AKAP8L: variants seen among roughly 807,000 people sequenced by gnomAD.
The protein encoded by AKAP8L is A-kinase anchoring protein 8 like, also known as A-kinase anchor protein 8-like.
A neutral mutation model predicts 77.5 loss-of-function variants in AKAP8L; 34 were observed. The ratio of observed to expected loss-of-function variants is 0.44; its 90% CI spans 0.33 to 0.58. The LOEUF is 0.58. Ranked by LOEUF, AKAP8L falls within the 20% of genes least tolerant of loss-of-function variation. The probability of loss-of-function intolerance (pLI) is 0.02; values close to 1 mark genes in which losing one functional copy is unlikely to be tolerated. For missense variants in AKAP8L, 806 were observed against 887.6 expected (o/e 0.91, Z 1.17); for synonymous variants, 342 against 340.7 (o/e 1.00, Z -0.04).
At position 15,403,498 on chromosome 19, in the gene AKAP8L, G is replaced by T. The variant is rs374239726; in HGVS notation, c.339C>A (p.Gly113=). Residue 113 remains glycine, a synonymous_variant, in exon 4 of 14, where the codon GGC becomes GGA. Transcript: ENST00000397410. This position sits in a 1 kb window ranked among gnomAD's most constrained non-coding sequence, Gnocchi z 4.3. Reference sequence around the variant, plus strand: ...ACCTTTCTCCACCTGAGCCGTACACGCCTCCTTGCATCATGTCTGTCTCCA... The same window carrying T: ...ACCTTTCTCCACCTGAGCCGTACACTCCTCCTTGCATCATGTCTGTCTCCA... ...PHLETDMMQG[G]VYGSGGERYD... is the part of the protein sequence containing the mutation. The T allele has an allele frequency of 1.2e-6, 2 of 1,613,820 alleles. No homozygotes were observed. The highest frequency in any genetic ancestry group is 1.7e-6 in the Non-Finnish European group (2 of 1,179,886).
At chr19:15,410,988 C>T (rs1968096788) in intron 1 of AKAP8L, among the ~76,000 whole-genome samples, 1 of 152,004 alleles carries the variant, frequency 6.6e-6, no homozygotes, top group South Asian at 2.1e-4. Flanking sequence ...AATTTTTATA[C>T]TTTTTTGTAG....
Position 15,399,183 on chromosome 19 carries a change from G to T in AKAP8L, c.1157+119C>A. The T allele has an allele frequency of 1.2e-6, 1 of 858,502 alleles. No individual in the cohort carries two copies. 53.2% of individuals were successfully genotyped at this position (858,502 alleles called of 1,614,324 possible). A position where few individuals can be genotyped will look rare whatever the true frequency, so the allele number is the denominator to read the frequency against. On this transcript the variant is annotated intron_variant, in intron 9 of 13. Transcript: ENST00000397410. This position sits in a 1 kb window ranked among gnomAD's most constrained non-coding sequence, Gnocchi z 6.1. Reference sequence around the variant, plus strand: ...GGAAGCAGGGTCCATGCACGGCCGAGCAGGTGGCGGCTCCCAAGGGAGGCC... The same window carrying T: ...GGAAGCAGGGTCCATGCACGGCCGATCAGGTGGCGGCTCCCAAGGGAGGCC...
chr19:15,410,529 AG>A lies in AKAP8L; in HGVS notation c.78del (p.Cys27ValfsTer73), dbSNP rs780611620. 6.3e-7 allele frequency: 1 copy of A among 1,581,748 alleles called. No individual in the cohort carries two copies. On this transcript the variant is annotated frameshift_variant, in exon 2 of 14. Coordinates refer to ENST00000397410, the MANE Select transcript of AKAP8L (RefSeq NM_014371.4). LOFTEE classifies it high-confidence loss of function. ...AGAAGTCCACACTTACCATAATCAC[AG>A]GTGGGCTGAGCGCTGGTATCCGAGT... ...STYSDTSAQPTCDYGYGTWNS... is the reference protein window; with the variant it reads ...STYSDTSAQPXCDYGYGTWNS...
In AKAP8L at chr19:15,399,470, C is replaced by A. The variant is rs1419712997; in HGVS notation, c.1049-60G>T. 1 of 1,285,284 alleles carries A rather than the reference C, an allele frequency of 7.8e-7. No homozygotes were observed. The highest frequency in any genetic ancestry group is 1.1e-6 in the Non-Finnish European group (1 of 883,604). The allele number at this position is 1,285,284 out of a possible 1,614,324, so 79.6% of individuals were successfully genotyped here. On this transcript the variant is annotated intron_variant, in intron 8 of 13. Coordinates refer to ENST00000397410, the MANE Select transcript of AKAP8L (RefSeq NM_014371.4). The surrounding 1 kb of genome is among the most constrained non-coding windows in gnomAD (Gnocchi z 6.1). The stretch of plus-strand genomic sequence containing the variant: ...CTCTGCCAGGACAGGGCAGGCCCTG[C>A]GGCCTCTGGCTGAATCACCCACTGT...
At chr19:15,390,777 ATAATC>A (rs1967644368) in intron 12 of AKAP8L, among the ~76,000 whole-genome samples, 1 of 152,228 alleles carries the variant, frequency 6.6e-6, no homozygotes, top group Admixed American at 6.5e-5. Context: ...TCCAAATAAA[ATAATC>A]TAACATACTG....
chr19:15,400,920 C>CCGCCCAG, intron 6 of AKAP8L, 27 bp downstream of exon 6: 1 of 1,613,844 alleles, frequency 6.2e-7, no homozygotes, highest in Non-Finnish European at 8.5e-7. Flanking sequence ...CAGGGGGCAG[C>CCGCCCAG]CGCCCAGTAC....
At chr19:15,410,727 C>T in intron 1 of AKAP8L, 133 bp from the exon 2 acceptor site, 2 of 672,310 alleles carry the variant, frequency 3.0e-6, no homozygotes, top group Non-Finnish European at 5.3e-6. Flanking sequence ...CTCTAGATTC[C>T]ACAGTTTAAT....
At position 15,403,344 on chromosome 19, in the gene AKAP8L, TG is replaced by T; in HGVS notation, c.362+130del. 3 of 852,712 alleles carry T rather than the reference TG, an allele frequency of 3.5e-6. No individual in the cohort carries two copies. The highest frequency in any genetic ancestry group is 5.7e-6 in the Non-Finnish European group (3 of 528,060). The allele number at this position is 852,712 out of a possible 1,614,324, so 52.8% of individuals were successfully genotyped here. On this transcript the variant is annotated intron_variant, in intron 4 of 13. Transcript: ENST00000397410. The surrounding 1 kb of genome is among the most constrained non-coding windows in gnomAD (Gnocchi z 4.3). ...AGACGGGAAGTGCAACGGACCCTGCTGGGAGCCACAGCAGCACCAAGCAGCG... is the reference window on the plus strand; with the variant it reads ...AGACGGGAAGTGCAACGGACCCTGCTGGAGCCACAGCAGCACCAAGCAGCG...
chr19:15,390,566 A>T (rs1198034776), intron 12 of AKAP8L, among the ~76,000 whole-genome samples: 1 of 152,194 alleles, frequency 6.6e-6, no homozygotes, highest in Non-Finnish European at 1.5e-5. Context: ...AAGAAAAATG[A>T]CAACTGTATG....
rs752299102 is a variant in AKAP8L at position 15,401,447 on chromosome 19, G to A, written c.519C>T (p.Asn173=). The A allele has an allele frequency of 6.2e-6, 10 of 1,613,550 alleles. No individual in the cohort carries two copies. The highest frequency in any genetic ancestry group is 4.0e-5 in the African/African-American group (3 of 74,932). ...CCTGTGCCCTGGGACCGAAGGTGTC[G>A]TTGCCACGCATGCGGAACTGGTCGC... ...AYRDQFRMRG[N]DTFGPRAQGW... is the part of the protein sequence containing the mutation. The change falls in exon 5 of 14, where the codon AAC becomes AAT. Residue 173 remains asparagine (N), a synonymous_variant. Transcript: ENST00000397410. This position sits in a 1 kb window ranked among gnomAD's most constrained non-coding sequence, Gnocchi z 6.2.
At chr19:15,383,668 T>C (rs1037057927) in intron 12 of AKAP8L, 1 of 152,376 alleles carries the variant, frequency 6.6e-6, no homozygotes, top group Non-Finnish European at 1.5e-5. Context: ...ATTATCACTT[T>C]TTTTGTTTTT....
At chr19:15,408,037 G>A (rs1301244912) in intron 2 of AKAP8L, among the ~76,000 whole-genome samples, 1 of 152,236 alleles carries the variant, frequency 6.6e-6, no homozygotes, top group East Asian at 1.9e-4. Context: ...GCTAATGCCT[G>A]TAATTCCAAC....
rs911251768 is a variant in AKAP8L at position 15,403,079 on chromosome 19, G to A, written c.362+396C>T. Reference sequence around the variant, plus strand: ...CAGCTCGCAGTGATCAGCCCCAAACGCTCGTCCCACCCTTCACACCAAACT... The same window carrying A: ...CAGCTCGCAGTGATCAGCCCCAAACACTCGTCCCACCCTTCACACCAAACT... On this transcript the variant is annotated intron_variant, in intron 4 of 13. Transcript: ENST00000397410. The surrounding 1 kb of genome is among the most constrained non-coding windows in gnomAD (Gnocchi z 4.3). 1.3e-5 allele frequency among the ~76,000 whole-genome samples: 2 copies of A among 152,244 alleles called. No homozygotes were observed. Among genetic ancestry groups the A allele is most frequent in the South Asian group, 2.1e-4 (1 of 4,828 alleles).
chr19:15,403,331 C>T lies in AKAP8L; in HGVS notation c.362+144G>A, dbSNP rs535485847. 2 of 743,892 alleles carry T rather than the reference C, an allele frequency of 2.7e-6. No individual in the cohort carries two copies. The highest frequency in any genetic ancestry group is 1.7e-5 in the African/African-American group (1 of 57,608). 46.1% of individuals were successfully genotyped at this position (743,892 alleles called of 1,614,324 possible). ...AGACACAAGTCAGAGACGGGAAGTG[C>T]AACGGACCCTGCTGGGAGCCACAGC... On this transcript the variant is annotated intron_variant, in intron 4 of 13. Coordinates refer to ENST00000397410, the MANE Select transcript of AKAP8L (RefSeq NM_014371.4). This position sits in a 1 kb window ranked among gnomAD's most constrained non-coding sequence, Gnocchi z 4.3.
rs2145133555 is a variant in AKAP8L, at chr19:15,401,490, C to T, written c.476G>A (p.Gly159Asp). The change falls in exon 5 of 14, where the codon GGC (glycine) becomes GAC (aspartate). Residue 159 changes from glycine (G) to aspartate (D), a missense_variant. Physicochemically the swap from Gly to Asp is moderately conservative, Grantham distance 94. Transcript: ENST00000397410. The surrounding 1 kb of genome is among the most constrained non-coding windows in gnomAD (Gnocchi z 6.2). ...CTGGTCGCGGTAGGCATCGTATTGG[C>T]CCTCATAGGCCATTTCCATCTCAGG... ...LDPEMEMAYE[G>D]QYDAYRDQFR... is the part of the protein sequence containing the mutation. The T allele has an allele frequency of 1.2e-6, 2 of 1,613,860 alleles. No homozygotes were observed. The highest frequency in any genetic ancestry group is 1.7e-6 in the Non-Finnish European group (2 of 1,179,886).
chr19:15,394,903 A>G (rs753538034), intron 12 of AKAP8L, among the ~76,000 whole-genome samples: 34 of 151,902 alleles, frequency 2.2e-4, no homozygotes, highest in Non-Finnish European at 3.8e-4. Context: ...TGCCTTCTAA[A>G]TATCTTTCAT....
rs370096897 is a variant in AKAP8L at position 15,400,786 on chromosome 19, C to T, written c.984+8G>A. The stretch of plus-strand genomic sequence containing the variant: ...GCAGACAGAAAATGCCCAGCCAGAG[C>T]CACTTACCACTCTGGAGCCCTTCTC... On this transcript the variant is annotated splice_region_variant and intron_variant, in intron 7 of 13. Transcript: ENST00000397410. The T allele has an allele frequency of 6.2e-6, 10 of 1,613,802 alleles. No individual in the cohort carries two copies. Among genetic ancestry groups the T allele is most frequent in the African/African-American group, 2.7e-5 (2 of 74,932 alleles).
At chr19:15,400,392 GC>G (rs34829676) in intron 7 of AKAP8L, 34 bp from the exon 8 acceptor site, 1 of 1,547,798 alleles carries the variant, frequency 6.5e-7, no homozygotes, top group Non-Finnish European at 8.7e-7. Context: ...TAAAACAGGT[GC>G]CTTTTTTTTT....
intron 12 of AKAP8L, among the ~76,000 whole-genome samples, chr19:15,384,444 C>T (rs141835892): frequency 0.012 from 1,772 of 151,632 alleles, 24 homozygotes; most frequent in African/African-American, 0.039. Context: ...AGATTACAGG[C>T]GCCCACCACC....
Sources: allele counts gnomAD v4.1 joint callset (sites outside exome capture counted in the v4.1 genomes callset), GRCh38; gene constraint gnomAD v4.1.1; non-coding constraint Gnocchi (gnomAD v3.1); transcripts MANE v1.5; gene names NCBI Gene and HGNC (gene_info 2026-07-23, HGNC 2026-07-21).